SVOPL: variants seen among roughly 807,000 people sequenced by gnomAD.
SVOPL encodes the protein SVOP like.
A neutral mutation model predicts 61.0 loss-of-function variants in SVOPL; 60 were observed. The observed-to-expected ratio is 0.98, with a 90% CI of 0.80 to 1.22. SVOPL has a LOEUF of 1.22. Among genes scored for constraint, SVOPL ranks in the 50% most tolerant of loss-of-function variants. The pLI is 0.00. For synonymous variants in SVOPL, 279 were observed against 250.0 expected, an observed-to-expected ratio of 1.12 and a Z score of -1.09; for missense variants, 662 against 643.9, an observed-to-expected ratio of 1.03 and a Z score of -0.30.
chr7:138,660,017 G>T, intron 5 of SVOPL, 29 bp from the exon 6 acceptor site: 2 of 1,550,342 alleles, frequency 1.3e-6, no homozygotes, highest in South Asian at 1.2e-5. Context: ...ACATGAATGG[G>T]ACCTGCCTCA....
intron 5 of SVOPL, 124 bp downstream of exon 5, chr7:138,662,950 A>G: frequency 6.6e-7 from 1 of 1,515,172 alleles, no homozygotes. Flanking sequence ...AGGGAGGGAA[A>G]TGTCTGCATT....
At chr7:138,679,219 C>T (rs1802648628) in intron 1 of SVOPL, 140 bp from the exon 2 acceptor site, 1 of 582,950 alleles carries the variant, frequency 1.7e-6, no homozygotes. Context: ...CCTCTTTTCA[C>T]ACCGGGCCTC....
intron 6 of SVOPL, among the ~76,000 whole-genome samples, chr7:138,659,647 A>G (rs931413978): frequency 2.0e-5 from 3 of 152,022 alleles, no homozygotes; most frequent in East Asian, 1.9e-4. Context: ...AACAAGCTAT[A>G]CCCCAACTAC....
At chr7:138,642,817 G>A (rs1285730156) in intron 9 of SVOPL, among the ~76,000 whole-genome samples, 12 of 120,140 alleles carry the variant, frequency 1.0e-4, no homozygotes, top group African/African-American at 3.9e-4. Context: ...ACGATAGAGC[G>A]AGACTCCTAC....
intron 5 of SVOPL, chr7:138,660,273 A>C: frequency 8.8e-7 from 1 of 1,139,988 alleles, no homozygotes. Flanking sequence ...AAAAGGCAAA[A>C]ACGTGTCCTC....
chr7:138,682,061 G>A (rs936819487), intron 1 of SVOPL, among the ~76,000 whole-genome samples: 4 of 152,068 alleles, frequency 2.6e-5, no homozygotes, highest in Admixed American at 1.3e-4. Flanking sequence ...TGTACAAATT[G>A]TCTGTACATC....
intron 14 of SVOPL, among the ~76,000 whole-genome samples, chr7:138,605,982 AT>A (rs201882682): frequency 3.3e-4 from 49 of 148,556 alleles, no homozygotes; most frequent in African/African-American, 4.2e-4. Flanking sequence ...ATACAAATAA[AT>A]TTTTTTTTAA....
chr7:138,617,271 G>C (rs1048666037), intron 14 of SVOPL, among the ~76,000 whole-genome samples: 2 of 152,154 alleles, frequency 1.3e-5, no homozygotes, highest in South Asian at 2.1e-4. Context: ...TGCCCAGCCT[G>C]AAACATTCAT....
At chr7:138,652,946 G>T (rs1006244786) in intron 7 of SVOPL, among the ~76,000 whole-genome samples, 16 of 152,256 alleles carry the variant, frequency 1.1e-4, no homozygotes, top group African/African-American at 3.6e-4. Context: ...TGAAGGAAAT[G>T]AAAAGTGCTA....
At chr7:138,674,349 G>T (rs1032098808) in intron 3 of SVOPL, among the ~76,000 whole-genome samples, 7 of 151,886 alleles carry the variant, frequency 4.6e-5, no homozygotes, top group African/African-American at 1.7e-4. Flanking sequence ...TCTGAATAAG[G>T]GCCTGAACAG....
At chr7:138,618,166 C>A (rs1799383707) in intron 14 of SVOPL, among the ~76,000 whole-genome samples, 1 of 152,112 alleles carries the variant, frequency 6.6e-6, no homozygotes, top group African/African-American at 2.4e-5. Context: ...CAATACTTTC[C>A]AAAGTTAAAT....
intron 15 of SVOPL, among the ~76,000 whole-genome samples, chr7:138,595,957 A>G (rs565642935): frequency 1.3e-5 from 2 of 152,260 alleles, no homozygotes; most frequent in Non-Finnish European, 2.9e-5. Context: ...GGAGGCCAAG[A>G]CAGGTGGATC....
intron 3 of SVOPL, among the ~76,000 whole-genome samples, chr7:138,673,481 AC>A (rs1802480862): frequency 6.6e-6 from 1 of 151,830 alleles, no homozygotes; most frequent in Non-Finnish European, 1.5e-5. Flanking sequence ...ACATGGCAAA[AC>A]CCCATCGCTG....
intron 13 of SVOPL, among the ~76,000 whole-genome samples, chr7:138,623,674 A>C (rs561892024): frequency 6.6e-6 from 1 of 152,192 alleles, no homozygotes; most frequent in Non-Finnish European, 1.5e-5. Flanking sequence ...AATATGTTTG[A>C]CTGTACATCC....
At chr7:138,614,343 A>G (rs192756707) in intron 14 of SVOPL, among the ~76,000 whole-genome samples, 1 of 151,702 alleles carries the variant, frequency 6.6e-6, no homozygotes, top group African/African-American at 2.4e-5. Context: ...AAGCAAATAT[A>G]TCAGAGTTTG....
chr7:138,643,146 G>C (rs1048138867), intron 9 of SVOPL, among the ~76,000 whole-genome samples: 4 of 151,354 alleles, frequency 2.6e-5, no homozygotes, highest in African/African-American at 9.7e-5. Context: ...TGAGGCCTTG[G>C]CCAGGTGCGG....
At chr7:138,688,303 C>G (rs1270472702) in intron 1 of SVOPL, among the ~76,000 whole-genome samples, 2 of 151,616 alleles carry the variant, frequency 1.3e-5, no homozygotes, top group Non-Finnish European at 2.9e-5. Context: ...GAGTTTCACT[C>G]TTGTTGCCCA....
chr7:138,650,120 G>A (rs1331098398), intron 7 of SVOPL, among the ~76,000 whole-genome samples: 1 of 152,188 alleles, frequency 6.6e-6, no homozygotes, highest in African/African-American at 2.4e-5. Context: ...GCGAGCCACT[G>A]CATCCAGCAA....
At chr7:138,642,952 T>C (rs1402748048) in intron 9 of SVOPL, among the ~76,000 whole-genome samples, 1 of 151,998 alleles carries the variant, frequency 6.6e-6, no homozygotes, top group East Asian at 1.9e-4. Flanking sequence ...TGAATCGTAG[T>C]TTTTTAAAAA....
Sources: gnomAD v4.1 joint callset for allele counts (sites outside exome capture counted in the v4.1 genomes callset) on GRCh38, gnomAD v4.1.1 for gene constraint, MANE v1.5 for transcripts, NCBI Gene and HGNC (gene_info 2026-07-23, HGNC 2026-07-21) for gene names.